The following PTPRF variants were observed in gnomAD, a reference collection of about 807,000 sequenced individuals.
PTPRF encodes receptor-type tyrosine-protein phosphatase F.
In PTPRF, 59 loss-of-function variants were observed where a neutral mutation model predicts 201.8. That is an observed-to-expected ratio of 0.29 (90% CI 0.24 to 0.36). The LOEUF is 0.36. Ranked by LOEUF, PTPRF falls within the 10% of genes least tolerant of loss-of-function variation. The pLI, the probability that PTPRF is intolerant of heterozygous loss-of-function variation, is 1.00. For synonymous variants in PTPRF, 1,088 were observed against 1,089.7 expected, an observed-to-expected ratio of 1.00 and a Z score of 0.03; for missense variants, 2,132 against 2,690.5, an observed-to-expected ratio of 0.79 and a Z score of 4.59.
chr1:43,548,961 T>C (rs1187921079), intron 3 of PTPRF, among the ~76,000 whole-genome samples: 1 of 152,202 alleles, frequency 6.6e-6, no homozygotes, highest in African/African-American at 2.4e-5. Context: ...TGGGAGGTGG[T>C]TGCAGCCCCC....
rs917438411 is a variant in PTPRF at position 43,609,444 on chromosome 1, C to T, written c.3919C>T (p.Leu1307=). The part of the protein sequence containing the change: ...EQSIGLKDSL[L]AHSSDPVEMR... ...GTCGATCGGACTGAAGGACTCCTTG[C>T]TGGCCCACTCCTCTGACCCTGTGGA... The change falls in exon 22 of 34, where the codon CTG becomes TTG. Residue 1307 remains leucine, a synonymous_variant. Coordinates refer to ENST00000359947, the MANE Select transcript of PTPRF (RefSeq NM_002840.5). 7 of 1,614,004 alleles carry T rather than the reference C, an allele frequency of 4.3e-6. No individual in the cohort carries two copies. The highest frequency in any genetic ancestry group is 4.2e-6 in the Non-Finnish European group (5 of 1,180,000).
rs944650164 is a variant in PTPRF at position 43,576,063 on chromosome 1, C to G, written c.569-2747C>G. On this transcript the variant is annotated intron_variant, in intron 6 of 33. Transcript: ENST00000359947. ...CTCCTCATCTCCAGCTCCAGCACCC[C>G]CAACACCACCGGCCACCACACACAT... 1.2e-5 allele frequency: 9 copies of G among 724,134 alleles called. No homozygotes were observed. The African/African-American group carries it at 1.6e-4, about 13-fold the overall frequency. 44.9% of individuals were successfully genotyped at this position (724,134 alleles called of 1,614,324 possible).
At position 43,603,476 on chromosome 1, in the gene PTPRF, A is replaced by G. The variant is rs1557827258; in HGVS notation, c.2401A>G (p.Thr801Ala). Residue 801 changes from threonine (T) to alanine (A), a missense_variant, in exon 15 of 34, where the codon ACC becomes GCC. Physicochemically the swap from Thr to Ala is moderately conservative, Grantham distance 58. Transcript: ENST00000359947. The surrounding 1 kb of genome is among the most constrained non-coding windows in gnomAD (Gnocchi z 5.8). ...TTYSVTVAAYTTKGDGARSKP... is the reference protein window; with the variant it reads ...TTYSVTVAAYATKGDGARSKP... Reference sequence around the variant, plus strand: ...CTACTCCGTTACTGTTGCTGCCTATACCACCAAGGGGGATGGTGCCCGCAG... The same window carrying G: ...CTACTCCGTTACTGTTGCTGCCTATGCCACCAAGGGGGATGGTGCCCGCAG... 6.2e-7 allele frequency: 1 copy of G among 1,613,930 alleles called. No individual in the cohort carries two copies. Among genetic ancestry groups the G allele is most frequent in the Non-Finnish European group, 8.5e-7 (1 of 1,179,980 alleles).
At chr1:43,613,157 C>T in intron 22 of PTPRF, 1 of 260,918 alleles carries the variant, frequency 3.8e-6, no homozygotes, top group Non-Finnish European at 7.6e-6. Flanking sequence ...GTCTGTACTT[C>T]ATGACCACTC....
intron 22 of PTPRF, among the ~76,000 whole-genome samples, chr1:43,609,859 A>G (rs550255183): frequency 6.6e-6 from 1 of 152,322 alleles, no homozygotes; most frequent in African/African-American, 2.4e-5. Flanking sequence ...TCCACATGAA[A>G]GAGGGGCATG....
Position 43,603,840 on chromosome 1 carries a change from C to G in PTPRF, c.2688C>G (p.Asn896Lys), listed in dbSNP as rs1186558185. ...ACATCTTCCGGCTTGCTGCCAAGAA[C>G]CGGGCTGGCTTGGGTGAGGAGTTCG... ...TTYIFRLAAKNRAGLGEEFEK... is the reference protein window; with the variant it reads ...TTYIFRLAAKKRAGLGEEFEK... Residue 896 changes from asparagine to lysine, a missense_variant, in exon 16 of 34, where the codon AAC becomes AAG. Asn to Lys is a moderately conservative substitution (Grantham distance 94, BLOSUM62 0). This residue lies in a region of PTPRF where 818 missense variants were observed against 915.3 expected (regional missense o/e 0.89). Coordinates refer to ENST00000359947, the MANE Select transcript of PTPRF (RefSeq NM_002840.5). This position sits in a 1 kb window ranked among gnomAD's most constrained non-coding sequence, Gnocchi z 5.8. The G allele has an allele frequency of 6.2e-7, 1 of 1,614,018 alleles. No homozygotes were observed. Among genetic ancestry groups the G allele is most frequent in the East Asian group, 2.2e-5 (1 of 44,894 alleles).
chr1:43,622,842 T>TAAAACA lies in PTPRF; in HGVS notation c.*850_*855dup, dbSNP rs1174039924. On this transcript the variant is annotated 3_prime_UTR_variant, in exon 34 of 34. Transcript: ENST00000359947. Reference sequence around the variant, plus strand: ...TCATCACCATCGTGTTTGCAAAGGTTAAAACAAAAACAAAAAACCACAAAA... The same window carrying TAAAACA: ...TCATCACCATCGTGTTTGCAAAGGTTAAAACAAAAACAAAAACAAAAAACCACAAAA... 7.2e-6 allele frequency: 1 copy of TAAAACA among 139,828 alleles called. No homozygotes were observed. The highest frequency in any genetic ancestry group is 1.6e-5 in the Non-Finnish European group (1 of 63,704). 8.7% of individuals were successfully genotyped at this position (139,828 alleles called of 1,614,324 possible). A position where few individuals can be genotyped will look rare whatever the true frequency, so the allele number is the denominator to read the frequency against.
At position 43,609,366 on chromosome 1, in the gene PTPRF, C is replaced by T. The variant is rs771543801; in HGVS notation, c.3858-17C>T. 43 of 1,608,274 alleles carry T rather than the reference C, an allele frequency of 2.7e-5. No homozygotes were observed. The highest frequency in any genetic ancestry group is 3.5e-5 in the Non-Finnish European group (41 of 1,175,192). ...CTGGACCTCAGGTTCTCACCAGCCT[C>T]CCTTCTGTCTCTCTAGGAAAAGGAC... On this transcript the variant is annotated splice_polypyrimidine_tract_variant and intron_variant, in intron 21 of 33. Transcript: ENST00000359947.
In PTPRF at chr1:43,588,352, T is replaced by C. The variant is rs373333239; in HGVS notation, c.680-379T>C. On this transcript the variant is annotated intron_variant, in intron 7 of 33. Transcript: ENST00000359947. The surrounding 1 kb of genome is among the most constrained non-coding windows in gnomAD (Gnocchi z 5.3). ...TGCTCCAGCCAGGAGCAGGCAGAGATAGGCCCTGGAGAACACCCTGGGTTG... is the reference window on the plus strand; with the variant it reads ...TGCTCCAGCCAGGAGCAGGCAGAGACAGGCCCTGGAGAACACCCTGGGTTG... Among the ~76,000 whole-genome samples the C allele has an allele frequency of 2.0e-5, 3 of 152,138 alleles. No individual in the cohort carries two copies. Among genetic ancestry groups the C allele is most frequent in the East Asian group, 1.9e-4 (1 of 5,168 alleles).
intron 33 of PTPRF, 143 bp from the exon 34 acceptor site, chr1:43,621,792 C>T (rs1659274509): frequency 1.3e-6 from 1 of 746,146 alleles, no homozygotes; most frequent in Non-Finnish European, 2.3e-6. Context: ...GGCTCCCCCG[C>T]ACACTGCCTG....
At chr1:43,561,113 G>A (rs912424980) in intron 5 of PTPRF, among the ~76,000 whole-genome samples, 2 of 152,108 alleles carry the variant, frequency 1.3e-5, no homozygotes, top group South Asian at 2.1e-4. Flanking sequence ...GGATGACGAA[G>A]GACCTCTTGA....
At chr1:43,545,247 A>C in intron 3 of PTPRF, 81 bp downstream of exon 3, 5 of 1,416,350 alleles carry the variant, frequency 3.5e-6, no homozygotes, top group Non-Finnish European at 2.9e-6. Context: ...ATGGGGACAG[A>C]CCGGCTACTA....
intron 7 of PTPRF, among the ~76,000 whole-genome samples, chr1:43,585,520 C>T (rs1648908599): frequency 6.6e-6 from 1 of 152,124 alleles, no homozygotes; most frequent in Admixed American, 6.5e-5. Flanking sequence ...GCAGGTGACC[C>T]TAAAGGCCAC....
intron 5 of PTPRF, among the ~76,000 whole-genome samples, chr1:43,555,077 C>T (rs1645265798): frequency 6.6e-6 from 1 of 150,418 alleles, no homozygotes; most frequent in African/African-American, 2.5e-5. Flanking sequence ...GTCTCAAACT[C>T]CTGACCTCAG....
rs183655854 is a variant in PTPRF, at chr1:43,558,748, G to C, written c.379+4807G>C. On this transcript the variant is annotated intron_variant, in intron 5 of 33. Transcript: ENST00000359947. ...ATCTGACATTTTCCCTCACCAGGGA[G>C]GGGGAGCCCTGGGGGAGGGGAGGGA... is the stretch of plus-strand genomic sequence containing the variant. 1.9e-3 allele frequency among the ~76,000 whole-genome samples: 286 copies of C among 152,284 alleles called. 3 individuals are homozygous for C. Among genetic ancestry groups the C allele is most frequent in the African/African-American group, 6.4e-3 (268 of 41,562 alleles).
rs140096269 is a variant in PTPRF, at chr1:43,591,108, C to G, written c.1086C>G (p.Pro362=). Residue 362 remains proline (P), a synonymous_variant, in exon 9 of 34, where the codon CCC becomes CCG. Transcript: ENST00000359947. ...ACCGCGCAGCGGGCACGGAGGGCCC[C>G]TTTCAGGAGGTGGATGGTGTGGCCA... ...IQYRAAGTEG[P]FQEVDGVATT... is the part of the protein sequence containing the mutation. The G allele has an allele frequency of 6.2e-7, 1 of 1,613,866 alleles. No homozygotes were observed.
chr1:43,531,232 CCACCTGCCGCGCCCG>C (rs1207473920), intron 1 of PTPRF, 142 bp downstream of exon 1: 82 of 150,730 alleles, frequency 5.4e-4, no homozygotes, highest in Admixed American at 5.3e-3. Flanking sequence ...GGCCGCGCCC[CCACCTGCCGCGCCCG>C]CAGCCTCGGC....
intron 8 of PTPRF, 94 bp from the exon 9 acceptor site, chr1:43,590,878 A>T: frequency 1.7e-6 from 2 of 1,179,086 alleles, no homozygotes; most frequent in Non-Finnish European, 2.4e-6. Context: ...CACTCAGGTG[A>T]CCCCACCAGA....
chr1:43,560,790 T>C (rs1440177321), intron 5 of PTPRF, among the ~76,000 whole-genome samples: 1 of 152,178 alleles, frequency 6.6e-6, no homozygotes, highest in Admixed American at 6.5e-5. Flanking sequence ...ATAGGGATCC[T>C]GCCCAGACCT....
Sources: gnomAD v4.1 joint callset for allele counts (sites outside exome capture counted in the v4.1 genomes callset) on GRCh38, gnomAD v4.1.1 for gene constraint, gnomAD v4.1.1 regional missense constraint, Gnocchi (gnomAD v3.1) non-coding constraint, MANE v1.5 for transcripts, NCBI Gene and HGNC (gene_info 2026-07-23, HGNC 2026-07-21) for gene names.